Variants in STK3 observed in about 807,000 individuals in gnomAD.
STK3 encodes serine/threonine kinase 3.
Under a neutral mutation model 58.0 loss-of-function variants are expected in STK3, and 41 were observed. The ratio of observed to expected loss-of-function variants is 0.71; its 90% CI spans 0.55 to 0.92. The LOEUF (loss-of-function observed/expected upper bound fraction) is 0.92. Among genes scored for constraint, STK3 ranks in the 40% least tolerant of loss-of-function variants. The pLI, the probability that STK3 is intolerant of heterozygous loss-of-function variation, is 0.00. For synonymous variants in STK3, 170 were observed against 191.0 expected, an observed-to-expected ratio of 0.89 and a Z score of 0.91; for missense variants, 479 against 602.7, an observed-to-expected ratio of 0.79 and a Z score of 2.15.
chr8:98,764,864 A>AT (rs35994677), intron 3 of STK3, among the ~76,000 whole-genome samples: 47,457 of 152,018 alleles, frequency 0.31, 8,377 homozygotes, highest in East Asian at 0.45. Flanking sequence ...TAGATGGAAC[A>AT]TGAAGGACCT....
intron 3 of STK3, among the ~76,000 whole-genome samples, chr8:98,854,720 C>T (rs1255968597): frequency 6.6e-6 from 1 of 152,034 alleles, no homozygotes; most frequent in Non-Finnish European, 1.5e-5. Flanking sequence ...AATAAAATGT[C>T]CCATGTTCAT....
chr8:98,656,096 C>A (rs962069700), intron 6 of STK3, among the ~76,000 whole-genome samples: 3 of 152,080 alleles, frequency 2.0e-5, no homozygotes, highest in Non-Finnish European at 2.9e-5. Context: ...AAATGTCCAA[C>A]AATGATAGAC....
At chr8:98,767,479 T>C (rs1358697133) in intron 2 of STK3, 108 bp from the exon 3 acceptor site, 39 of 1,012,700 alleles carry the variant, frequency 3.9e-5, no homozygotes, top group Non-Finnish European at 4.6e-5. Context: ...TAAAACACTA[T>C]TTAAATGATT....
At chr8:98,560,496 T>C (rs1276268092) in intron 8 of STK3, among the ~76,000 whole-genome samples, 3 of 151,974 alleles carry the variant, frequency 2.0e-5, no homozygotes, top group Admixed American at 6.6e-5. Flanking sequence ...TATTAAAACA[T>C]GTACAGGATC....
chr8:98,733,472 G>T (rs1182608426), intron 4 of STK3, among the ~76,000 whole-genome samples: 1 of 152,178 alleles, frequency 6.6e-6, no homozygotes, highest in Non-Finnish European at 1.5e-5. Flanking sequence ...TCTAGGTTAT[G>T]CACTCCTTAT....
intron 1 of STK3, among the ~76,000 whole-genome samples, chr8:98,782,888 A>C (rs1295006235): frequency 6.6e-6 from 1 of 152,090 alleles, no homozygotes; most frequent in Admixed American, 6.6e-5. Context: ...GAAGTAAGGA[A>C]AGAAAAGTAA....
chr8:98,366,903 C>T (rs1488689204), downstream of STK3, among the ~76,000 whole-genome samples: 1 of 152,240 alleles, frequency 6.6e-6, no homozygotes, highest in Admixed American at 6.5e-5. Context: ...GCCAACTACA[C>T]ATGCATTATT....
At chr8:98,622,100 C>CT (rs1818375778) in intron 6 of STK3, among the ~76,000 whole-genome samples, 1 of 113,528 alleles carries the variant, frequency 8.8e-6, no homozygotes, top group Admixed American at 9.4e-5. Flanking sequence ...CCTGTCTCTA[C>CT]TAAAAAAAAA....
At chr8:98,486,982 CCT>C (rs145272556) in intron 10 of STK3, among the ~76,000 whole-genome samples, 2,697 of 152,200 alleles carry the variant, frequency 0.018, 81 homozygotes, top group African/African-American at 0.062. Flanking sequence ...GGCAAAATAA[CCT>C]CTTTCTCGAG....
At chr8:98,430,514 C>T (rs1268183258) in intron 3 of STK3, 1 of 166,888 alleles carries the variant, frequency 6.0e-6, no homozygotes, top group Non-Finnish European at 1.5e-5. Flanking sequence ...CAAATGAGAG[C>T]CCTTTTATTT....
At chr8:98,749,478 C>T (rs1022460591) in intron 3 of STK3, 88 bp from the exon 4 acceptor site, 1 of 616,856 alleles carries the variant, frequency 1.6e-6, no homozygotes, top group Non-Finnish European at 2.8e-6. Flanking sequence ...TTCAACATTT[C>T]ATACTGTTCC....
At chr8:98,482,305 A>G (rs1407034711) in intron 10 of STK3, among the ~76,000 whole-genome samples, 2 of 152,258 alleles carry the variant, frequency 1.3e-5, no homozygotes, top group African/African-American at 4.8e-5. Flanking sequence ...TTAAAGCTAA[A>G]TGTTCTCAAA....
At chr8:98,560,528 T>C (rs753394958) in intron 8 of STK3, among the ~76,000 whole-genome samples, 13 of 151,924 alleles carry the variant, frequency 8.6e-5, no homozygotes, top group South Asian at 2.1e-4. Flanking sequence ...ATGCAAAAAA[T>C]AAAAGATGAT....
intron 1 of STK3, among the ~76,000 whole-genome samples, chr8:98,910,838 C>T (rs1192534144): frequency 6.6e-6 from 1 of 152,194 alleles, no homozygotes; most frequent in Non-Finnish European, 1.5e-5. Context: ...CATGTCCCTC[C>T]CACGGTTACA....
chr8:98,761,889 C>A (rs1010895230), intron 3 of STK3, among the ~76,000 whole-genome samples: 7 of 152,082 alleles, frequency 4.6e-5, no homozygotes, highest in Non-Finnish European at 1.0e-4. Flanking sequence ...TATCTAGAAA[C>A]ATGAGGAAAT....
intron 1 of STK3, among the ~76,000 whole-genome samples, chr8:98,941,320 C>G (rs947010366): frequency 1.3e-5 from 2 of 152,226 alleles, no homozygotes; most frequent in Non-Finnish European, 1.5e-5. Context: ...GTCCTTGCTA[C>G]TCCAGGGCCA....
intron 3 of STK3, among the ~76,000 whole-genome samples, chr8:98,837,376 A>AG (rs961816692): frequency 4.6e-5 from 7 of 151,684 alleles, no homozygotes; most frequent in African/African-American, 9.7e-5. Flanking sequence ...AAAAAAAAAA[A>AG]AAAGAAAGAA....
intron 1 of STK3, among the ~76,000 whole-genome samples, chr8:98,442,461 A>G (rs2131099126): frequency 6.6e-6 from 1 of 152,384 alleles, no homozygotes; most frequent in African/African-American, 2.4e-5. Context: ...CAGAAATGCT[A>G]GATAAAACCA....
At chr8:98,903,556 C>CTTCTTCTTCCTCTT (rs200556218) in intron 1 of STK3, among the ~76,000 whole-genome samples, 3 of 50,500 alleles carry the variant, frequency 5.9e-5, no homozygotes, top group African/African-American at 2.1e-4. Flanking sequence ...TCTTCTTCTT[C>CTTCTTCTTCCTCTT]CTTTTTTTTT....
Sources: gnomAD v4.1 joint callset for allele counts (sites outside exome capture counted in the v4.1 genomes callset) on GRCh38, gnomAD v4.1.1 for gene constraint, MANE v1.5 for transcripts, NCBI Gene and HGNC (gene_info 2026-07-23, HGNC 2026-07-21) for gene names.